Variants in SMTNL2 observed in about 807,000 individuals in gnomAD.
SMTNL2 encodes smoothelin-like protein 2.
Under a neutral mutation model 44.1 loss-of-function variants are expected in SMTNL2, and 43 were observed. The observed-to-expected ratio is 0.98, with a 90% CI of 0.76 to 1.26. The LOEUF (loss-of-function observed/expected upper bound fraction) is 1.26. Among genes scored for constraint, SMTNL2 ranks in the 50% most tolerant of loss-of-function variants. The probability of loss-of-function intolerance (pLI) is 0.00; values close to 1 mark genes in which losing one functional copy is unlikely to be tolerated. For synonymous variants in SMTNL2, 317 were observed against 287.6 expected (o/e 1.10, Z -1.03); for missense variants, 646 against 670.2 (o/e 0.96, Z 0.40).
chr17:4,596,389 T>C (rs1244437789), intron 5 of SMTNL2, among the ~76,000 whole-genome samples: 1 of 152,220 alleles, frequency 6.6e-6, no homozygotes. Context: ...GGGACTGTCC[T>C]TGGGGCCCAG....
chr17:4,593,191 G>T lies in SMTNL2; in HGVS notation c.730+20G>T. 1 of 1,561,316 alleles carries T rather than the reference G, an allele frequency of 6.4e-7. No homozygotes were observed. Among genetic ancestry groups the T allele is most frequent in the Non-Finnish European group, 8.7e-7 (1 of 1,147,776 alleles). On this transcript the variant is annotated intron_variant, in intron 3 of 7. Coordinates refer to ENST00000389313, the MANE Select transcript of SMTNL2 (RefSeq NM_001114974.2). ...CTAGCGGTATGAGCTGGAGAGCGTG[G>T]CCTTGGGGCAGACCTCCCCTTGGGA... is the stretch of plus-strand genomic sequence containing the variant.
chr17:4,586,710 G>A (rs2150517871), intron 1 of SMTNL2, among the ~76,000 whole-genome samples: 1 of 152,298 alleles, frequency 6.6e-6, no homozygotes, highest in Admixed American at 6.5e-5. Flanking sequence ...GCTGGAGGTG[G>A]GTAACTTGAT....
rs186587528 is a variant in SMTNL2, at chr17:4,604,817, G to A, written c.1260-2544G>A. Among the ~76,000 whole-genome samples, 357 of 152,162 alleles carry A rather than the reference G, an allele frequency of 2.3e-3. 3 individuals carry two copies. The highest frequency in any genetic ancestry group is 4.1e-3 in the East Asian group (21 of 5,166). On this transcript the variant is annotated intron_variant, in intron 7 of 7. Transcript: ENST00000389313. ...CTCCCAAGTAGCTGGGATTTCAGGC[G>A]TGCACCACCATGCCTGGCTAATTTT...
chr17:4,594,609 C>T (rs144951654), intron 4 of SMTNL2, among the ~76,000 whole-genome samples: 405 of 152,160 alleles, frequency 2.7e-3, no homozygotes, highest in Admixed American at 5.0e-3. Flanking sequence ...CCACGGGCTG[C>T]GAGCAGGGGC....
At chr17:4,606,571 G>T (rs1383093297) in intron 7 of SMTNL2, among the ~76,000 whole-genome samples, 2 of 151,908 alleles carry the variant, frequency 1.3e-5, no homozygotes, top group African/African-American at 4.8e-5. Flanking sequence ...GACCAGTCTG[G>T]GTAACATAGT....
chr17:4,599,410 G>A (rs114379786), intron 7 of SMTNL2, among the ~76,000 whole-genome samples: 2,639 of 152,226 alleles, frequency 0.017, 73 homozygotes, highest in African/African-American at 0.058. Flanking sequence ...CGTGGCAACC[G>A]TCAATCAGAC....
chr17:4,585,154 C>A, intron 1 of SMTNL2, 150 bp downstream of exon 1: 1 of 1,035,476 alleles, frequency 9.7e-7, no homozygotes, highest in Non-Finnish European at 1.2e-6. Flanking sequence ...GTCCTGCCGC[C>A]CCTCCGGAGT....
At position 4,596,911 on chromosome 17, in the gene SMTNL2, G is replaced by C; in HGVS notation, c.1041G>C (p.Val347=). The part of the protein sequence containing the change: ...ARLKRSQSFG[V]ASASSIKQIL... ...TGAAGCGGTCGCAGAGCTTCGGCGT[G>C]GCCAGCGCCAGCAGCATCAAGCAGA... Residue 347 remains valine (V), a synonymous_variant, in exon 6 of 8, where the codon GTG becomes GTC. Transcript: ENST00000389313. 1 of 1,523,484 alleles carries C rather than the reference G, an allele frequency of 6.6e-7. No homozygotes were observed. The highest frequency in any genetic ancestry group is 8.9e-7 in the Non-Finnish European group (1 of 1,129,864). 94.4% of individuals were successfully genotyped at this position (1,523,484 alleles called of 1,614,324 possible).
chr17:4,595,341 C>G lies in SMTNL2; in HGVS notation c.989+14C>G. On this transcript the variant is annotated intron_variant, in intron 5 of 7. Coordinates refer to ENST00000389313, the MANE Select transcript of SMTNL2 (RefSeq NM_001114974.2). This position sits in a 1 kb window ranked among gnomAD's most constrained non-coding sequence, Gnocchi z 5.1. ...GGCGGCCGGCAAGTACGGATGCCCA[C>G]TCACAGACAGGCCCGGCCCCACGGT... is the stretch of plus-strand genomic sequence containing the variant. 6.2e-7 allele frequency: 1 copy of G among 1,609,950 alleles called. No individual in the cohort carries two copies. The highest frequency in any genetic ancestry group is 1.1e-5 in the South Asian group (1 of 90,822).
Position 4,585,754 on chromosome 17 carries a change from T to A in SMTNL2, c.399+750T>A, listed in dbSNP as rs540496613. Among the ~76,000 whole-genome samples the A allele has an allele frequency of 2.0e-4, 31 of 152,308 alleles. No individual in the cohort carries two copies. The East Asian group carries it at 5.6e-3, about 28-fold the overall frequency. On this transcript the variant is annotated intron_variant, in intron 1 of 7. Transcript: ENST00000389313. ...AGTGGCCCTTGGGTGGGATTTTCCATCCTGATCAGGCATGTGCTCTCGGGT... is the reference window on the plus strand; with the variant it reads ...AGTGGCCCTTGGGTGGGATTTTCCAACCTGATCAGGCATGTGCTCTCGGGT...
chr17:4,602,311 C>CCT (rs1910074813), intron 7 of SMTNL2, among the ~76,000 whole-genome samples: 2 of 43,730 alleles, frequency 4.6e-5, no homozygotes, highest in Non-Finnish European at 7.7e-5. Context: ...AAGGCAGGTG[C>CCT]TTTTTTTTTT....
At position 4,593,076 on chromosome 17, in the gene SMTNL2, C is replaced by T; in HGVS notation, c.635C>T (p.Ser212Leu). 6.2e-7 allele frequency: 1 copy of T among 1,614,002 alleles called. No individual in the cohort carries two copies. Among genetic ancestry groups the T allele is most frequent in the Non-Finnish European group, 8.5e-7 (1 of 1,179,992 alleles). Residue 212 changes from serine to leucine, a missense_variant, in exon 3 of 8, where the codon TCA becomes TTA. Physicochemically the swap from Ser to Leu is moderately radical, Grantham distance 145 (BLOSUM62 -2). Coordinates refer to ENST00000389313, the MANE Select transcript of SMTNL2 (RefSeq NM_001114974.2). ...RVSDRFSGET[S>L]AAALSPMSAA... ...TCTGACAGGTTCTCTGGGGAGACCT[C>T]AGCTGCGGCTCTATCACCCATGTCT...
At chr17:4,593,789 G>A (rs9908079) in intron 3 of SMTNL2, 33 bp from the exon 4 acceptor site, 2 of 1,607,390 alleles carry the variant, frequency 1.2e-6, no homozygotes, top group Non-Finnish European at 1.7e-6. Flanking sequence ...CTGGGGCCAG[G>A]GTTTGTTACT....
intron 5 of SMTNL2, among the ~76,000 whole-genome samples, chr17:4,596,245 C>A (rs911416279): frequency 6.9e-6 from 1 of 144,624 alleles, no homozygotes; most frequent in African/African-American, 2.6e-5. Flanking sequence ...GGTATTGATG[C>A]CTGCTGTGTG....
chr17:4,594,716 T>C (rs1909732612), intron 4 of SMTNL2, among the ~76,000 whole-genome samples: 1 of 151,392 alleles, frequency 6.6e-6, no homozygotes, highest in Non-Finnish European at 1.5e-5. Flanking sequence ...TTGGCTTTTT[T>C]TTTTTTCTTT....
chr17:4,597,261 C>G lies in SMTNL2; in HGVS notation c.1197C>G (p.Asp399Glu), dbSNP rs1469408685. The G allele has an allele frequency of 6.2e-7, 1 of 1,614,082 alleles. No homozygotes were observed. Among genetic ancestry groups the G allele is most frequent in the African/African-American group, 1.3e-5 (1 of 74,934 alleles). The change falls in exon 7 of 8, where the codon GAC becomes GAG. Residue 399 changes from aspartate to glutamate, a missense_variant. Coordinates refer to ENST00000389313, the MANE Select transcript of SMTNL2 (RefSeq NM_001114974.2). ...LVHSFFPDAF[D>E]YNSLSPTQRQ... ...ACTCCTTCTTCCCCGATGCCTTTGA[C>G]TACAACTCCCTGAGCCCCACGCAGA...
chr17:4,589,659 C>T (rs1016265954), intron 1 of SMTNL2, among the ~76,000 whole-genome samples: 3 of 152,058 alleles, frequency 2.0e-5, no homozygotes, highest in African/African-American at 7.2e-5. Context: ...TGCAGATGCT[C>T]CCCTCACCTT....
intron 1 of SMTNL2, among the ~76,000 whole-genome samples, chr17:4,586,760 C>T (rs1242012871): frequency 1.3e-5 from 2 of 152,024 alleles, no homozygotes; most frequent in East Asian, 1.9e-4. Context: ...TGAGCTGGGC[C>T]GTGGGCCTTG....
chr17:4,592,911 G>T lies in SMTNL2; in HGVS notation c.488-18G>T, dbSNP rs987946968. On this transcript the variant is annotated intron_variant, in intron 2 of 7. Coordinates refer to ENST00000389313, the MANE Select transcript of SMTNL2 (RefSeq NM_001114974.2). The surrounding 1 kb of genome is among the most constrained non-coding windows in gnomAD (Gnocchi z 4.5). Reference sequence around the variant, plus strand: ...CTGCCACAGCTGACCACCCACCCATGCTGGTCACATGTTCCAGGTCCAGGC... The same window carrying T: ...CTGCCACAGCTGACCACCCACCCATTCTGGTCACATGTTCCAGGTCCAGGC... The T allele has an allele frequency of 4.8e-5, 77 of 1,601,212 alleles. No individual in the cohort carries two copies. Among genetic ancestry groups the T allele is most frequent in the Non-Finnish European group, 5.8e-5 (68 of 1,171,110 alleles).
Sources: gnomAD v4.1 joint callset for allele counts (sites outside exome capture counted in the v4.1 genomes callset) on GRCh38, gnomAD v4.1.1 for gene constraint, Gnocchi (gnomAD v3.1) non-coding constraint, MANE v1.5 for transcripts, NCBI Gene and HGNC (gene_info 2026-07-23, HGNC 2026-07-21) for gene names.